The following TTLL3 variants were observed in gnomAD, a reference collection of about 807,000 sequenced individuals.
TTLL3 encodes tubulin monoglycylase TTLL3.
In TTLL3, 63 loss-of-function variants were observed where a neutral mutation model predicts 75.2. The observed-to-expected ratio is 0.84, with a 90% CI of 0.68 to 1.03. TTLL3 has a LOEUF of 1.03. TTLL3 is among the 50% of genes least tolerant of loss of function. The pLI is 0.00. For synonymous variants in TTLL3, 393 were observed against 418.5 expected (o/e 0.94, Z 0.74); for missense variants, 997 against 1,069.9 (o/e 0.93, Z 0.95).
upstream of TTLL3, chr3:9,810,046 G>T: frequency 7.7e-7 from 1 of 1,295,736 alleles, no homozygotes; most frequent in Non-Finnish European, 9.7e-7. This position sits in a 1 kb window ranked among gnomAD's most constrained non-coding sequence, Gnocchi z 4.4. Context: ...GAGCGCGAGG[G>T]AGCTGGGGCC....
At position 9,825,860 on chromosome 3, in the gene TTLL3, G is replaced by C; in HGVS notation, c.915G>C (p.Gln305His). The C allele has an allele frequency of 6.2e-7, 1 of 1,614,172 alleles. No individual in the cohort carries two copies. Among genetic ancestry groups the C allele is most frequent in the African/African-American group, 1.3e-5 (1 of 75,032 alleles). ...TQVQRCEDIL[Q>H]QLQAVVPQID... ...TCCAGCGCTGTGAGGACATCCTGCA[G>C]CAGCTGCAGGCCGTGGTACCCCAGA... is the stretch of plus-strand genomic sequence containing the variant. The change falls in exon 9 of 14, where the codon CAG becomes CAC. Residue 305 changes from glutamine to histidine, a missense_variant. By Grantham distance (24) the Gln-to-His change is conservative (BLOSUM62 0). Transcript: ENST00000685419.
chr3:9,836,303 A>G lies in TTLL3; in HGVS notation c.*814A>G, dbSNP rs1337698639. 1 of 150,436 alleles carries G rather than the reference A, an allele frequency of 6.6e-6. No individual in the cohort carries two copies. Among genetic ancestry groups the G allele is most frequent in the Admixed American group, 6.6e-5 (1 of 15,076 alleles). The allele number at this position is 150,436 out of a possible 1,614,324, so 9.3% of individuals were successfully genotyped here. The stretch of plus-strand genomic sequence containing the variant: ...GAGACAGAGTGAAACCCTAAATCAA[A>G]AAAAAAAAAAAAGGTCTTTGCAGAT... On this transcript the variant is annotated 3_prime_UTR_variant, in exon 14 of 14. Coordinates refer to ENST00000685419, the MANE Select transcript of TTLL3 (RefSeq NM_001387446.1).
At chr3:9,817,494 G>A in intron 5 of TTLL3, 151 bp from the exon 6 acceptor site, 1 of 1,486,728 alleles carries the variant, frequency 6.7e-7, no homozygotes, top group Non-Finnish European at 8.9e-7. Flanking sequence ...CACCTCCCAG[G>A]CAAATATATG....
chr3:9,828,892 T>C lies in TTLL3; in HGVS notation c.1248-68T>C, dbSNP rs765974530. On this transcript the variant is annotated intron_variant, in intron 10 of 13. Transcript: ENST00000685419. ...CCCAGGGCTGCTTCCAGGACTTGCC[T>C]GTCCTCCCTGAGTTTGGATGGGAGA... is the stretch of plus-strand genomic sequence containing the variant. 5.7e-6 allele frequency: 9 copies of C among 1,584,004 alleles called. No individual in the cohort carries two copies. The Admixed American group carries it at 1.5e-4, about 27-fold the overall frequency.
At position 9,834,884 on chromosome 3, in the gene TTLL3, C is replaced by T. The variant is rs144345198; in HGVS notation, c.2029C>T (p.Pro677Ser). The T allele has an allele frequency of 3.2e-4, 509 of 1,614,242 alleles. 8 individuals carry two copies. The East Asian group carries it at 8.4e-3, about 27-fold the overall frequency. The change falls in exon 13 of 14, where the codon CCC becomes TCC. Residue 677 changes from proline (P) to serine (S), a missense_variant. Transcript: ENST00000685419. ...ACCGAACCTTGATTTCAAGGTGGCA[C>T]CCAGCATCCTGAAGCCAAGAAAGGT... ...LPPNLDFKVAPSILKPRKAPA... is the reference protein window; with the variant it reads ...LPPNLDFKVASSILKPRKAPA...
At chr3:9,817,589 G>C (rs1028848513) in intron 5 of TTLL3, 56 bp from the exon 6 acceptor site, 56 of 1,612,606 alleles carry the variant, frequency 3.5e-5, no homozygotes, top group South Asian at 1.6e-4. Flanking sequence ...GAACTGTCTG[G>C]GTGTGTGGTG....
intron 12 of TTLL3, among the ~76,000 whole-genome samples, chr3:9,833,887 G>A (rs1013990125): frequency 5.3e-5 from 8 of 151,984 alleles, no homozygotes; most frequent in Admixed American, 5.2e-4. Context: ...GAGGCGGGCA[G>A]ATCACTTGAG....
chr3:9,825,512 A>G (rs1007098648), intron 8 of TTLL3: 15 of 466,160 alleles, frequency 3.2e-5, no homozygotes, highest in Non-Finnish European at 5.2e-5. Context: ...GACAGTTTTA[A>G]TGTAATAGGA....
Position 9,832,577 on chromosome 3 carries a change from G to A in TTLL3, c.1684-527G>A, listed in dbSNP as rs1209163555. On this transcript the variant is annotated intron_variant, in intron 11 of 13. Coordinates refer to ENST00000685419, the MANE Select transcript of TTLL3 (RefSeq NM_001387446.1). ...GATAGGAACTGAGAGTTGTAAGGGA[G>A]TCCCTCTCCTGGACCCTTCTCTCTG... is the stretch of plus-strand genomic sequence containing the variant. 2.6e-5 allele frequency among the ~76,000 whole-genome samples: 4 copies of A among 152,216 alleles called. No individual in the cohort carries two copies. The East Asian group carries it at 7.7e-4, about 29-fold the overall frequency.
rs2081109787 is a variant in TTLL3, at chr3:9,827,043, C to T, written c.1050C>T (p.Asn350=). 11 of 1,614,074 alleles carry T rather than the reference C, an allele frequency of 6.8e-6. 1 individual carries two copies. The highest frequency in any genetic ancestry group is 5.5e-5 in the South Asian group (5 of 91,088). ...TGGAGGAGATGCTGAAGCTGGTGAA[C>T]GGCAACCCCGTGGTGATGAAGGACG... The part of the protein sequence containing the change: ...DHLEEMLKLV[N]GNPVVMKDGK... Residue 350 remains asparagine (N), a synonymous_variant, in exon 10 of 14, where the codon AAC becomes AAT. Coordinates refer to ENST00000685419, the MANE Select transcript of TTLL3 (RefSeq NM_001387446.1).
At chr3:9,834,645 C>T (rs1195779723) in intron 12 of TTLL3, 36 bp from the exon 13 acceptor site, 1 of 1,612,170 alleles carries the variant, frequency 6.2e-7, no homozygotes, top group South Asian at 1.1e-5. Context: ...CCTTGGGCCC[C>T]ACCCCAGGGC....
rs1389941017 is a variant in TTLL3 at position 9,827,078 on chromosome 3, T to C, written c.1085T>C (p.Val362Ala). 6.2e-7 allele frequency: 1 copy of C among 1,614,114 alleles called. No individual in the cohort carries two copies. Among genetic ancestry groups the C allele is most frequent in the Admixed American group, 1.7e-5 (1 of 60,016 alleles). Reference protein sequence around the residue: ...NPVVMKDGKWVVQKYIERPLL... With the variant: ...NPVVMKDGKWAVQKYIERPLL... The stretch of plus-strand genomic sequence containing the variant: ...GTGGTGATGAAGGACGGCAAGTGGG[T>C]GGTGCAGAAGTATATTGAGCGGCCC... Residue 362 changes from valine to alanine, a missense_variant, in exon 10 of 14, where the codon GTG (valine) becomes GCG (alanine). Transcript: ENST00000685419.
Position 9,810,367 on chromosome 3 carries a change from C to G in TTLL3, c.-69C>G, listed in dbSNP as rs927539500. The G allele has an allele frequency of 1.1e-5, 14 of 1,311,070 alleles. No individual in the cohort carries two copies. In the African/African-American group the frequency reaches 3.5e-4, roughly 33 times the overall value. 81.2% of individuals were successfully genotyped at this position (1,311,070 alleles called of 1,614,324 possible). ...CCACCCCCTCGGCCCCCCGCACACC[C>G]CGGTCCTCGACCCCTCTCCGCAGGA... is the stretch of plus-strand genomic sequence containing the variant. On this transcript the variant is annotated 5_prime_UTR_variant, in exon 1 of 14. Transcript: ENST00000685419. This position sits in a 1 kb window ranked among gnomAD's most constrained non-coding sequence, Gnocchi z 4.4.
At chr3:9,832,620 G>A (rs2081662697) in intron 11 of TTLL3, among the ~76,000 whole-genome samples, 1 of 152,078 alleles carries the variant, frequency 6.6e-6, no homozygotes, top group African/African-American at 2.4e-5. Flanking sequence ...CTGCATATTC[G>A]TTACTTCATT....
At chr3:9,818,800 G>A (rs1559739217) in intron 6 of TTLL3, 22 bp from the exon 7 acceptor site, 1 of 1,613,972 alleles carries the variant, frequency 6.2e-7, no homozygotes, top group Non-Finnish European at 8.5e-7. Flanking sequence ...GCTGAGCAGG[G>A]TATCCCCTGG....
At chr3:9,826,039 A>C (rs1575399451) in intron 9 of TTLL3, 91 bp downstream of exon 9, 6 of 1,517,734 alleles carry the variant, frequency 4.0e-6, no homozygotes, top group Non-Finnish European at 4.4e-6. Flanking sequence ...GGTCTATTGA[A>C]GCCAAATTGC....
In TTLL3 at chr3:9,835,283, C is replaced by T; in HGVS notation, c.2242C>T (p.Leu748Phe). 1 of 1,614,188 alleles carries T rather than the reference C, an allele frequency of 6.2e-7. No individual in the cohort carries two copies. Among genetic ancestry groups the T allele is most frequent in the African/African-American group, 1.3e-5 (1 of 75,054 alleles). The change falls in exon 14 of 14, where the codon CTT becomes TTT. Residue 748 changes from leucine (L) to phenylalanine (F), a missense_variant. Transcript: ENST00000685419. ...GCTGAGCCCCCTGAAACCCCTGCCC[C>T]TTGTTGGTACATTCCAGAGGCGCAG... ...KRLSPLKPLP[L>F]VGTFQRRRGL...
At chr3:9,822,148 C>T (rs1380460851) in intron 8 of TTLL3, among the ~76,000 whole-genome samples, 3 of 141,376 alleles carry the variant, frequency 2.1e-5, no homozygotes, top group Admixed American at 7.3e-5. Flanking sequence ...TCACTGCAAC[C>T]TCCACCTCCT....
chr3:9,826,668 G>C (rs145009425), intron 9 of TTLL3, among the ~76,000 whole-genome samples: 6,143 of 148,028 alleles, frequency 0.041, 168 homozygotes, highest in African/African-American at 0.08. Context: ...GGGAGGCGGA[G>C]GTTGCAGTGA....
Sources: allele counts gnomAD v4.1 joint callset (sites outside exome capture counted in the v4.1 genomes callset), GRCh38; gene constraint gnomAD v4.1.1; non-coding constraint Gnocchi (gnomAD v3.1); transcripts MANE v1.5; gene names NCBI Gene and HGNC (gene_info 2026-07-23, HGNC 2026-07-21).